The following DPP10 variants were observed in gnomAD, a reference collection of about 807,000 sequenced individuals.
The protein encoded by DPP10 is dipeptidyl peptidase like 10, also known as inactive dipeptidyl peptidase 10.
DPP10 carries 33 observed loss-of-function variants against 120.9 expected under a neutral mutation model. The observed-to-expected ratio is 0.27, with a 90% CI of 0.21 to 0.37. DPP10 has a LOEUF of 0.37. Ranked by LOEUF, DPP10 falls within the 10% of genes least tolerant of loss-of-function variation. The pLI, the probability that DPP10 is intolerant of heterozygous loss-of-function variation, is 1.00. For synonymous variants in DPP10, 337 were observed against 326.1 expected (o/e 1.03, Z -0.36); for missense variants, 816 against 942.8 (o/e 0.87, Z 1.76).
At chr2:114,954,658 A>G (rs1698070777) in intron 1 of DPP10, among the ~76,000 whole-genome samples, 1 of 152,140 alleles carries the variant, frequency 6.6e-6, no homozygotes, top group Admixed American at 6.5e-5. Flanking sequence ...GAAAAGAACA[A>G]TGAAACTAAG....
chr2:114,937,862 C>T (rs1696601428), intron 1 of DPP10, among the ~76,000 whole-genome samples: 1 of 152,148 alleles, frequency 6.6e-6, no homozygotes, highest in South Asian at 2.1e-4. Flanking sequence ...AGTTAAGAAC[C>T]ACTGCATAGT....
chr2:115,228,982 A>G (rs1398306883), intron 1 of DPP10, among the ~76,000 whole-genome samples: 1 of 152,076 alleles, frequency 6.6e-6, no homozygotes, highest in Non-Finnish European at 1.5e-5. Flanking sequence ...GTACTAATTT[A>G]CATTCCCACC....
intron 3 of DPP10, among the ~76,000 whole-genome samples, chr2:115,348,234 A>G (rs888312226): frequency 4.6e-5 from 7 of 152,136 alleles, no homozygotes; most frequent in African/African-American, 1.7e-4. Context: ...GAATACTACA[A>G]TAATATGTTT....
At chr2:115,401,967 C>T (rs560410141) in intron 3 of DPP10, among the ~76,000 whole-genome samples, 13 of 151,980 alleles carry the variant, frequency 8.6e-5, no homozygotes, top group Admixed American at 4.6e-4. Flanking sequence ...AGCAAAATGG[C>T]GGAGTAGGAT....
chr2:114,531,783 C>T (rs1385299345), intron 1 of DPP10, among the ~76,000 whole-genome samples: 1 of 151,940 alleles, frequency 6.6e-6, no homozygotes, highest in African/African-American at 2.4e-5. Flanking sequence ...CTTATTGTTA[C>T]TTGTACAGAT....
At chr2:114,999,978 T>C (rs1275327330) in intron 1 of DPP10, among the ~76,000 whole-genome samples, 4 of 151,724 alleles carry the variant, frequency 2.6e-5, no homozygotes, top group Non-Finnish European at 5.9e-5. Flanking sequence ...TACACATGCA[T>C]GTGTATAAAC....
chr2:115,805,520 G>T (rs186667123), intron 19 of DPP10, among the ~76,000 whole-genome samples: 2,727 of 151,014 alleles, frequency 0.018, 84 homozygotes, highest in African/African-American at 0.061. Flanking sequence ...CTTCTGCGTG[G>T]CTCAGGCAGG....
At chr2:115,715,978 A>G (rs1487332181) in intron 7 of DPP10, among the ~76,000 whole-genome samples, 2 of 152,224 alleles carry the variant, frequency 1.3e-5, no homozygotes. Flanking sequence ...AAATACAGAC[A>G]TTGATCCATA....
At chr2:114,825,001 T>C (rs17043617) in intron 1 of DPP10, among the ~76,000 whole-genome samples, 4,361 of 152,276 alleles carry the variant, frequency 0.029, 186 homozygotes, top group African/African-American at 0.098. Context: ...CAAGTGCTCA[T>C]TGAGAATCTT....
At chr2:114,925,723 C>A (rs963384004) in intron 1 of DPP10, among the ~76,000 whole-genome samples, 3 of 152,130 alleles carry the variant, frequency 2.0e-5, no homozygotes, top group African/African-American at 7.2e-5. Flanking sequence ...CCCCGAGAGC[C>A]CTGTAGCTGT....
At chr2:114,784,466 G>A (rs749822511) in intron 1 of DPP10, among the ~76,000 whole-genome samples, 3 of 152,126 alleles carry the variant, frequency 2.0e-5, no homozygotes, top group Non-Finnish European at 2.9e-5. Flanking sequence ...GCCCCTGTCT[G>A]ATGTGAAGAT....
At chr2:115,650,810 GAGGAGCGGAAA>G (rs1293892782) in intron 5 of DPP10, among the ~76,000 whole-genome samples, 1 of 152,034 alleles carries the variant, frequency 6.6e-6, no homozygotes. Flanking sequence ...AGAGGAGGAG[GAGGAGCGGAAA>G]AGGAGTGGGG....
intron 1 of DPP10, among the ~76,000 whole-genome samples, chr2:115,037,000 G>A (rs1312424847): frequency 2.0e-5 from 3 of 152,118 alleles, no homozygotes; most frequent in Non-Finnish European, 4.4e-5. Flanking sequence ...AGTAATGGGA[G>A]CCATTGTCAT....
At chr2:115,397,225 G>T (rs2067746324) in intron 3 of DPP10, among the ~76,000 whole-genome samples, 1 of 152,134 alleles carries the variant, frequency 6.6e-6, no homozygotes, top group African/African-American at 2.4e-5. Flanking sequence ...AGTCATGTTT[G>T]AGTTGGGTGA....
At chr2:115,750,011 G>A (rs962959351) in intron 10 of DPP10, 6 of 985,176 alleles carry the variant, frequency 6.1e-6, no homozygotes, top group South Asian at 4.7e-5. Flanking sequence ...CCAGATCCTC[G>A]AGGACTTCCT....
intron 3 of DPP10, among the ~76,000 whole-genome samples, chr2:115,443,166 A>G (rs2072236383): frequency 6.6e-6 from 1 of 152,188 alleles, no homozygotes; most frequent in African/African-American, 2.4e-5. Flanking sequence ...ATTAATATCA[A>G]TCATGTGTAC....
intron 1 of DPP10, among the ~76,000 whole-genome samples, chr2:114,989,858 T>C (rs1156751861): frequency 6.6e-6 from 1 of 152,228 alleles, no homozygotes; most frequent in Non-Finnish European, 1.5e-5. Flanking sequence ...AGTGCTCTTG[T>C]TATCCCTATA....
chr2:115,698,048 C>A (rs2091690377), intron 7 of DPP10, among the ~76,000 whole-genome samples: 1 of 152,096 alleles, frequency 6.6e-6, no homozygotes, highest in Non-Finnish European at 1.5e-5. Flanking sequence ...ATACAGAACA[C>A]TCAACCTAAC....
intron 1 of DPP10, among the ~76,000 whole-genome samples, chr2:114,443,252 C>T (rs1294663858): frequency 1.3e-5 from 2 of 151,974 alleles, no homozygotes; most frequent in Non-Finnish European, 2.9e-5. Context: ...GATCTCTTAT[C>T]CTTTTTTAAA....
Sources: allele counts gnomAD v4.1 joint callset (sites outside exome capture counted in the v4.1 genomes callset), GRCh38; gene constraint gnomAD v4.1.1; transcripts MANE v1.5; gene names NCBI Gene and HGNC (gene_info 2026-07-23, HGNC 2026-07-21).